Variants in KLC2 observed in about 807,000 individuals in gnomAD.
KLC2 encodes kinesin light chain 2.
KLC2 carries 35 observed loss-of-function variants against 75.1 expected under a neutral mutation model. The observed-to-expected ratio is 0.47, with a 90% CI of 0.36 to 0.62. The LOEUF (loss-of-function observed/expected upper bound fraction) is 0.62. Among genes scored for constraint, KLC2 ranks in the 20% least tolerant of loss-of-function variants. The pLI is 0.00. For synonymous variants in KLC2, 314 were observed against 336.7 expected (o/e 0.93, Z 0.74); for missense variants, 611 against 833.2 (o/e 0.73, Z 3.28).
chr11:66,264,386 G>A lies in KLC2; in HGVS notation c.1158G>A (p.Glu386=). The part of the protein sequence containing the change: ...YLKQGKYQDA[E]TLYKEILTRA... ...AGCAGGGCAAGTACCAGGATGCGGA[G>A]ACCTTGTACAAGGAGATCCTCACCC... Residue 386 remains glutamate, a synonymous_variant, in exon 9 of 16, where the codon GAG becomes GAA. Transcript: ENST00000394067. 6.2e-7 allele frequency: 1 copy of A among 1,613,662 alleles called. No homozygotes were observed. The highest frequency in any genetic ancestry group is 8.5e-7 in the Non-Finnish European group (1 of 1,179,812).
rs1176939309 is a variant in KLC2 at position 66,267,660 on chromosome 11, C to G, written c.*704C>G. On this transcript the variant is annotated 3_prime_UTR_variant, in exon 16 of 16. Coordinates refer to ENST00000394067, the MANE Select transcript of KLC2 (RefSeq NM_001318734.2). ...GGCCTTATGCACTGCCCCTCCCACC[C>G]GGCCCCGCCCAGGCACGGCCGACCC... The G allele has an allele frequency of 3.7e-6, 2 of 538,778 alleles. No individual in the cohort carries two copies. The highest frequency in any genetic ancestry group is 3.9e-5 in the African/African-American group (2 of 50,928). 33.4% of individuals were successfully genotyped at this position (538,778 alleles called of 1,614,324 possible).
At chr11:66,247,193 C>A in the KLC2 span, among the ~76,000 whole-genome samples, 1 of 152,188 alleles carries the variant, frequency 6.6e-6, no homozygotes, top group Non-Finnish European at 1.5e-5. Flanking sequence ...GTGCCTTGCC[C>A]CTTCCTCTAC....
chr11:66,264,923 C>A, intron 9 of KLC2, 100 bp from the exon 10 acceptor site: 2 of 1,118,450 alleles, frequency 1.8e-6, no homozygotes, highest in Non-Finnish European at 2.6e-6. Flanking sequence ...TTCAACGAAG[C>A]CCAACCGTGG....
intron 15 of KLC2, 32 bp from the exon 16 acceptor site, chr11:66,266,841 A>G: frequency 6.2e-7 from 1 of 1,604,426 alleles, no homozygotes; most frequent in Non-Finnish European, 8.5e-7. Context: ...GCAGCAGCAC[A>G]GGGCTGAGCC....
chr11:66,263,135 T>TCCAC, intron 5 of KLC2, 99 bp downstream of exon 5: 1 of 804,800 alleles, frequency 1.2e-6, no homozygotes, highest in Non-Finnish European at 2.0e-6. Context: ...GTGGCCCACC[T>TCCAC]GCGTGGAGCT....
At chr11:66,251,788 G>C in the KLC2 span, among the ~76,000 whole-genome samples, 5 of 152,304 alleles carry the variant, frequency 3.3e-5, no homozygotes, top group African/African-American at 1.2e-4. Flanking sequence ...AAAGAAAACA[G>C]AGTTGAAAGA....
Position 66,267,109 on chromosome 11 carries a change from A to AGCCTGAGCCCTG in KLC2, c.*155_*166dup, listed in dbSNP as rs1257507859. The stretch of plus-strand genomic sequence containing the variant: ...GGGTAACCTTCTCCCTTGTCATCTC[A>AGCCTGAGCCCTG]GCCTGAGCCCTGGAGGCTGGGCCTG... On this transcript the variant is annotated 3_prime_UTR_variant, in exon 16 of 16. Transcript: ENST00000394067. The AGCCTGAGCCCTG allele has an allele frequency of 6.5e-7, 1 of 1,529,720 alleles. No individual in the cohort carries two copies. The highest frequency in any genetic ancestry group is 2.5e-5 in the East Asian group (1 of 40,722). The allele number at this position is 1,529,720 out of a possible 1,614,324, so 94.8% of individuals were successfully genotyped here. A position where few individuals can be genotyped will look rare whatever the true frequency, so the allele number is the denominator to read the frequency against.
Position 66,267,180 on chromosome 11 carries a change from C to T in KLC2, c.*224C>T, listed in dbSNP as rs1856893521. 4 of 1,549,122 alleles carry T rather than the reference C, an allele frequency of 2.6e-6. No homozygotes were observed. ...TATTTATTCCTTCCAGCAGGGCCCTCTTCCCTAGGTTCGGGCCAGCAGGAG... is the reference window on the plus strand; with the variant it reads ...TATTTATTCCTTCCAGCAGGGCCCTTTTCCCTAGGTTCGGGCCAGCAGGAG... On this transcript the variant is annotated 3_prime_UTR_variant, in exon 16 of 16. Coordinates refer to ENST00000394067, the MANE Select transcript of KLC2 (RefSeq NM_001318734.2).
At chr11:66,266,620 TG>T in intron 15 of KLC2, 130 bp downstream of exon 15, 1 of 1,076,916 alleles carries the variant, frequency 9.3e-7, no homozygotes, top group Non-Finnish European at 1.4e-6. Context: ...TACTTTGGGC[TG>T]GACAACGGGG....
At position 66,261,763 on chromosome 11, in the gene KLC2, C is replaced by T; in HGVS notation, c.250C>T (p.His84Tyr). 6.2e-7 allele frequency: 1 copy of T among 1,611,978 alleles called. No individual in the cohort carries two copies. The highest frequency in any genetic ancestry group is 1.1e-5 in the South Asian group (1 of 90,966). Residue 84 changes from histidine (H) to tyrosine (Y), a missense_variant, in exon 3 of 16, where the codon CAC (histidine) becomes TAC (tyrosine). His to Tyr is a moderately conservative substitution (Grantham distance 83). Transcript: ENST00000394067. The stretch of plus-strand genomic sequence containing the variant: ...ACAGGTGATCTTGGCATTGTCGAGC[C>T]ACCTGGGGGCTGTAGAATCAGAGAA... ...EAQVILALSS[H>Y]LGAVESEKQK...
chr11:66,256,998 AG>A (rs1304922656), upstream of KLC2, among the ~76,000 whole-genome samples: 7 of 152,338 alleles, frequency 4.6e-5, no homozygotes, highest in East Asian at 1.3e-3. Flanking sequence ...GGGGCAGCCC[AG>A]GGAAGAGATG....
the KLC2 span, among the ~76,000 whole-genome samples, chr11:66,247,036 G>A: frequency 1.1e-4 from 17 of 152,246 alleles, no homozygotes; most frequent in South Asian, 6.2e-4. Flanking sequence ...GGTGTGAAAT[G>A]TGCTCCCCTG....
intron 9 of KLC2, 179 bp from the exon 10 acceptor site, chr11:66,264,843 AG>A: frequency 1.6e-6 from 1 of 612,598 alleles, no homozygotes; most frequent in Non-Finnish European, 2.9e-6. Flanking sequence ...CTGAGGTGCA[AG>A]GGTCTGTTCT....
chr11:66,258,358 TG>T (rs1221240497), intron 1 of KLC2: 3 of 559,302 alleles, frequency 5.4e-6, no homozygotes, highest in East Asian at 6.1e-5. Flanking sequence ...GCCGGTGGTC[TG>T]GGGCCGAAGC....
chr11:66,262,338 C>G, intron 4 of KLC2, 146 bp downstream of exon 4: 2 of 662,762 alleles, frequency 3.0e-6, no homozygotes, highest in South Asian at 1.8e-5. Flanking sequence ...GTTGTACGTG[C>G]TGCTGCTTCT....
chr11:66,252,279 T>TTTTG, the KLC2 span, among the ~76,000 whole-genome samples: 28,073 of 151,928 alleles, frequency 0.18, 2,714 homozygotes, highest in East Asian at 0.26. Context: ...TTTATGCCTT[T>TTTTG]TTTGTTTGTT....
intron 15 of KLC2, 76 bp downstream of exon 15, chr11:66,266,566 C>T: frequency 7.2e-7 from 1 of 1,382,370 alleles, no homozygotes; most frequent in Non-Finnish European, 1.0e-6. Flanking sequence ...TTCCCTCCAG[C>T]ATGCCTCTTC....
chr11:66,261,665 G>A, intron 2 of KLC2, 77 bp from the exon 3 acceptor site: 1 of 923,324 alleles, frequency 1.1e-6, no homozygotes, highest in Non-Finnish European at 1.7e-6. Context: ...GGGTGCCAGA[G>A]CCCAACTAGG....
At chr11:66,256,505 C>T (rs189957122), upstream of KLC2, among the ~76,000 whole-genome samples, 13 of 152,262 alleles carry the variant, frequency 8.5e-5, no homozygotes, top group East Asian at 2.5e-3. Flanking sequence ...AGGAGAATTG[C>T]TTGAACCCTG....
Sources: allele counts gnomAD v4.1 joint callset (sites outside exome capture counted in the v4.1 genomes callset), GRCh38; gene constraint gnomAD v4.1.1; transcripts MANE v1.5; gene names NCBI Gene and HGNC (gene_info 2026-07-23, HGNC 2026-07-21).